GLCE: variants seen among roughly 807,000 people sequenced by gnomAD.
GLCE encodes the protein D-glucuronyl C5-epimerase.
GLCE carries 19 observed loss-of-function variants against 47.9 expected under a neutral mutation model. The observed-to-expected ratio is 0.40, with a 90% CI of 0.28 to 0.58. The LOEUF is 0.58. Among genes scored for constraint, GLCE ranks in the 20% least tolerant of loss-of-function variants. GLCE has a pLI of 0.48. For missense variants in GLCE, 556 were observed against 743.3 expected (o/e 0.75, Z 2.93); for synonymous variants, 245 against 263.4 (o/e 0.93, Z 0.68).
chr15:69,215,539 GGT>G (rs57115250), intron 2 of GLCE, among the ~76,000 whole-genome samples: 41 of 148,966 alleles, frequency 2.8e-4, no homozygotes, highest in East Asian at 1.6e-3. Flanking sequence ...TTACATAAAG[GGT>G]GTGTGTGTGT....
At chr15:69,170,309 G>A (rs1566945782) in intron 1 of GLCE, among the ~76,000 whole-genome samples, 1 of 152,014 alleles carries the variant, frequency 6.6e-6, no homozygotes, top group Non-Finnish European at 1.5e-5. Flanking sequence ...TGCCTCAGAT[G>A]TCTTGTAAGG....
At chr15:69,245,377 C>T (rs1039174894) in intron 2 of GLCE, among the ~76,000 whole-genome samples, 2 of 145,128 alleles carry the variant, frequency 1.4e-5, no homozygotes, top group Non-Finnish European at 3.0e-5. Context: ...TTTAAAAATA[C>T]TTCATTGCTT....
chr15:69,203,812 T>C (rs1197426713), intron 1 of GLCE, among the ~76,000 whole-genome samples: 4 of 152,252 alleles, frequency 2.6e-5, no homozygotes, highest in Non-Finnish European at 5.9e-5. Context: ...CCTCATATTC[T>C]TTTAAATATA....
chr15:69,226,216 C>G (rs1480647454), intron 2 of GLCE, among the ~76,000 whole-genome samples: 1 of 152,152 alleles, frequency 6.6e-6, no homozygotes, highest in Non-Finnish European at 1.5e-5. Context: ...AATATTACTT[C>G]TATTCCAGAT....
chr15:69,191,820 A>C (rs1369581194), intron 1 of GLCE, among the ~76,000 whole-genome samples: 2 of 151,608 alleles, frequency 1.3e-5, no homozygotes, highest in Non-Finnish European at 2.9e-5. Context: ...TAAGGATAGC[A>C]CTCCTGAGCC....
chr15:69,215,860 A>G (rs992870656), intron 2 of GLCE, among the ~76,000 whole-genome samples: 4 of 152,034 alleles, frequency 2.6e-5, no homozygotes, highest in Non-Finnish European at 5.9e-5. Context: ...TTTATATGTC[A>G]TCCTTATATG....
intron 2 of GLCE, among the ~76,000 whole-genome samples, chr15:69,246,906 G>A (rs1006911461): frequency 1.2e-4 from 18 of 152,114 alleles, no homozygotes; most frequent in African/African-American, 3.9e-4. Context: ...CTGAGCAGTA[G>A]GTCTCAACAG....
intron 1 of GLCE, among the ~76,000 whole-genome samples, chr15:69,171,146 A>T (rs900464331): frequency 6.6e-6 from 1 of 152,010 alleles, no homozygotes; most frequent in East Asian, 1.9e-4. Flanking sequence ...AAAATTATTC[A>T]TTTACTTAAA....
intron 1 of GLCE, among the ~76,000 whole-genome samples, chr15:69,164,796 G>C (rs966735280): frequency 2.6e-5 from 4 of 152,056 alleles, no homozygotes; most frequent in African/African-American, 7.2e-5. Flanking sequence ...ATTTTCTTTA[G>C]ATAATTTAGC....
chr15:69,254,165 A>G (rs550985063), intron 2 of GLCE, among the ~76,000 whole-genome samples: 1 of 152,360 alleles, frequency 6.6e-6, no homozygotes, highest in African/African-American at 2.4e-5. Flanking sequence ...TTCACACCAT[A>G]CAATAAATTA....
chr15:69,198,131 C>T (rs557458371), intron 1 of GLCE, among the ~76,000 whole-genome samples: 1 of 151,962 alleles, frequency 6.6e-6, no homozygotes, highest in Admixed American at 6.6e-5. Flanking sequence ...TTTAAAAAAC[C>T]CTGCATGTGG....
At chr15:69,266,279 CA>C (rs1028375487) in intron 4 of GLCE, among the ~76,000 whole-genome samples, 31 of 152,120 alleles carry the variant, frequency 2.0e-4, no homozygotes, top group Non-Finnish European at 4.0e-4. Flanking sequence ...ATCAACTCAG[CA>C]TACTGACACC....
intron 1 of GLCE, among the ~76,000 whole-genome samples, chr15:69,193,105 G>T (rs1202720010): frequency 6.7e-6 from 1 of 149,894 alleles, no homozygotes; most frequent in South Asian, 2.1e-4. Context: ...AATTCTAGCT[G>T]TTTTGGCCTC....
At chr15:69,198,024 C>T (rs1399914492) in intron 1 of GLCE, among the ~76,000 whole-genome samples, 1 of 152,134 alleles carries the variant, frequency 6.6e-6, no homozygotes, top group Non-Finnish European at 1.5e-5. Context: ...AATTCACATT[C>T]TTCCCTTTTA....
At chr15:69,240,258 TGGGCGACAGAGCGA>T (rs2052648543) in intron 2 of GLCE, among the ~76,000 whole-genome samples, 1 of 144,562 alleles carries the variant, frequency 6.9e-6, no homozygotes, top group Non-Finnish European at 1.5e-5. Flanking sequence ...CACTCCAGCC[TGGGCGACAGAGCGA>T]GACTCCGTCT....
At chr15:69,197,176 A>G in intron 1 of GLCE, 5 of 417,276 alleles carry the variant, frequency 1.2e-5, no homozygotes, top group South Asian at 9.0e-5. Context: ...GCGTCGCACA[A>G]CCAACGCTTC....
chr15:69,212,773 C>T (rs757905401), intron 2 of GLCE, among the ~76,000 whole-genome samples: 4 of 151,916 alleles, frequency 2.6e-5, no homozygotes, highest in Non-Finnish European at 5.9e-5. Context: ...TTACTGCTAA[C>T]GATGTGGACA....
intron 2 of GLCE, among the ~76,000 whole-genome samples, chr15:69,219,770 AG>A (rs1310587285): frequency 6.6e-6 from 1 of 152,120 alleles, no homozygotes; most frequent in Non-Finnish European, 1.5e-5. Context: ...ACTATTTTTA[AG>A]TATATAGTTC....
chr15:69,249,872 C>CA (rs894134408), intron 2 of GLCE, among the ~76,000 whole-genome samples: 4 of 151,144 alleles, frequency 2.6e-5, no homozygotes, highest in African/African-American at 2.4e-5. Flanking sequence ...ATTTGCTTTC[C>CA]AAAAAAAACC....
Sources: allele counts gnomAD v4.1 joint callset (sites outside exome capture counted in the v4.1 genomes callset), GRCh38; gene constraint gnomAD v4.1.1; transcripts MANE v1.5; gene names NCBI Gene and HGNC (gene_info 2026-07-23, HGNC 2026-07-21).